Variants in UBE3D observed in about 807,000 individuals in gnomAD.
UBE3D encodes E3 ubiquitin-protein ligase E3D.
A neutral mutation model predicts 49.6 loss-of-function variants in UBE3D; 48 were observed. The observed-to-expected ratio is 0.97, with a 90% CI of 0.77 to 1.23. The LOEUF (loss-of-function observed/expected upper bound fraction) is 1.23, where lower values mean the gene tolerates loss of function less well. Among genes scored for constraint, UBE3D ranks in the 50% most tolerant of loss-of-function variants. The probability of loss-of-function intolerance (pLI) is 0.00; values close to 1 mark genes in which losing one functional copy is unlikely to be tolerated. For synonymous variants in UBE3D, 189 were observed against 174.2 expected, an observed-to-expected ratio of 1.08 and a Z score of -0.67; for missense variants, 452 against 468.4, an observed-to-expected ratio of 0.96 and a Z score of 0.32.
At chr6:83,057,436 C>T (rs1288736361) in intron 2 of UBE3D, among the ~76,000 whole-genome samples, 1 of 152,144 alleles carries the variant, frequency 6.6e-6, no homozygotes, top group Non-Finnish European at 1.5e-5. Flanking sequence ...TAGCACAAAC[C>T]AAAATATTTG....
chr6:83,019,209 C>CA (rs1474121299), intron 7 of UBE3D, 73 bp from the exon 8 acceptor site: 1 of 1,322,482 alleles, frequency 7.6e-7, no homozygotes, highest in African/African-American at 1.5e-5. Flanking sequence ...TTTTCAAAAA[C>CA]AAAAAAGAGA....
intron 8 of UBE3D, among the ~76,000 whole-genome samples, chr6:83,007,459 C>T (rs1562178161): frequency 6.6e-6 from 1 of 152,098 alleles, no homozygotes; most frequent in Non-Finnish European, 1.5e-5. Context: ...TTGTATTCTC[C>T]TAAGTCTTTT....
chr6:82,922,907 C>T (rs960744377), intron 9 of UBE3D, among the ~76,000 whole-genome samples: 3 of 152,146 alleles, frequency 2.0e-5, no homozygotes, highest in African/African-American at 7.2e-5. Context: ...AGGATATGAA[C>T]AGACACTTCT....
intron 1 of UBE3D, among the ~76,000 whole-genome samples, chr6:83,065,123 T>A (rs183223572): frequency 1.3e-5 from 2 of 152,348 alleles, no homozygotes; most frequent in African/African-American, 4.8e-5. Flanking sequence ...CCTGTCTTAG[T>A]GGTTCACTAA....
At chr6:82,933,161 C>G (rs1774300709) in intron 9 of UBE3D, among the ~76,000 whole-genome samples, 1 of 152,086 alleles carries the variant, frequency 6.6e-6, no homozygotes, top group South Asian at 2.1e-4. Context: ...TCTAGGCCTT[C>G]AACATTATGC....
At position 83,006,640 on chromosome 6, in the gene UBE3D, AT is replaced by A. The variant is rs1027980539; in HGVS notation, c.1010+12332del. On this transcript the variant is annotated intron_variant, in intron 8 of 9. Coordinates refer to ENST00000369747, the MANE Select transcript of UBE3D (RefSeq NM_198920.3). ...TTAGACTTTTAGCCTCCAGAAAAAA[AT>A]AAATGTCTGTTGTTTAAGGCATCTA... is the stretch of plus-strand genomic sequence containing the variant. Among the ~76,000 whole-genome samples the A allele has an allele frequency of 1.9e-4, 29 of 152,312 alleles. 1 individual carries two copies. Among genetic ancestry groups the A allele is most frequent in the African/African-American group, 7.0e-4 (29 of 41,578 alleles).
intron 2 of UBE3D, among the ~76,000 whole-genome samples, chr6:83,054,759 C>A (rs753436625): frequency 3.9e-5 from 6 of 152,008 alleles, no homozygotes; most frequent in Non-Finnish European, 7.4e-5. Context: ...TCAAGCAATT[C>A]TCTGCCTCAG....
intron 9 of UBE3D, among the ~76,000 whole-genome samples, chr6:82,941,723 T>C (rs1775029175): frequency 6.6e-6 from 1 of 152,180 alleles, no homozygotes. Context: ...GCTCTCGTGA[T>C]AGTGAGTGAG....
chr6:83,016,625 T>TTA (rs1194108278), intron 8 of UBE3D, among the ~76,000 whole-genome samples: 1 of 151,470 alleles, frequency 6.6e-6, no homozygotes, highest in Non-Finnish European at 1.5e-5. Context: ...ATGTAAATCT[T>TTA]TATATATATG....
Position 82,909,759 on chromosome 6 carries a change from G to A in UBE3D, c.1150-16717C>T, listed in dbSNP as rs77306760. ...CCTTCATGTTGATTCTCTGGGATTC[G>A]AGGTCTATGAGCAATGAAGCCCATT... On this transcript the variant is annotated intron_variant, in intron 9 of 9. Coordinates refer to ENST00000369747, the MANE Select transcript of UBE3D (RefSeq NM_198920.3). 2.6e-4 allele frequency among the ~76,000 whole-genome samples: 40 copies of A among 152,218 alleles called. 1 individual carries two copies. Among genetic ancestry groups the A allele is most frequent in the African/African-American group, 8.4e-4 (35 of 41,524 alleles).
intron 4 of UBE3D, among the ~76,000 whole-genome samples, chr6:83,040,248 G>A (rs913262534): frequency 5.3e-5 from 8 of 151,986 alleles, no homozygotes; most frequent in Non-Finnish European, 7.4e-5. Flanking sequence ...GCTGGGCGTC[G>A]TGGTGCGCGC....
chr6:82,890,593 C>T (rs148868654), downstream of UBE3D, among the ~76,000 whole-genome samples: 28 of 152,260 alleles, frequency 1.8e-4, no homozygotes, highest in African/African-American at 6.3e-4. Flanking sequence ...TGCATGACCT[C>T]CTCTTACATC....
chr6:83,057,837 T>A lies in UBE3D; in HGVS notation c.263A>T (p.Lys88Ile), dbSNP rs761142679. 1 of 1,614,044 alleles carries A rather than the reference T, an allele frequency of 6.2e-7. No individual in the cohort carries two copies. The highest frequency in any genetic ancestry group is 2.2e-5 in the East Asian group (1 of 44,868). Residue 88 changes from lysine (K) to isoleucine (I), a missense_variant, in exon 2 of 10, where the codon AAA becomes ATA. Lys to Ile is a moderately radical substitution (Grantham distance 102). Transcript: ENST00000369747. ...CTAATATTACTCACTTGTGCCTAAT[T>A]TTGCTTGCGTCTGCAGTCGCAGGTG... is the stretch of plus-strand genomic sequence containing the variant. ...GLHLRLQTQAKLGTKLISMFN... is the reference protein window; with the variant it reads ...GLHLRLQTQAILGTKLISMFN...
chr6:82,893,416 C>T (rs926690763), intron 9 of UBE3D, among the ~76,000 whole-genome samples: 3 of 152,070 alleles, frequency 2.0e-5, no homozygotes, highest in African/African-American at 7.2e-5. Context: ...GTCCTCATCC[C>T]TATAGGTAAT....
intron 9 of UBE3D, among the ~76,000 whole-genome samples, chr6:82,947,223 TA>T (rs1326654108): frequency 1.3e-5 from 2 of 151,948 alleles, no homozygotes; most frequent in African/African-American, 4.8e-5. Context: ...TATATAATGA[TA>T]AAAGGGTCCA....
chr6:83,016,452 T>G (rs1046716037), intron 8 of UBE3D, among the ~76,000 whole-genome samples: 2 of 152,120 alleles, frequency 1.3e-5, no homozygotes, highest in Admixed American at 1.3e-4. Flanking sequence ...TTAGCATTTT[T>G]GGATGTAATC....
At chr6:82,917,221 G>A (rs1772982852) in intron 9 of UBE3D, among the ~76,000 whole-genome samples, 2 of 152,150 alleles carry the variant, frequency 1.3e-5, no homozygotes, top group South Asian at 4.1e-4. Context: ...AAGAAAGAAG[G>A]AAGGGAAGAA....
chr6:82,971,588 T>A (rs769996447), intron 8 of UBE3D, among the ~76,000 whole-genome samples: 17 of 152,086 alleles, frequency 1.1e-4, no homozygotes, highest in Non-Finnish European at 7.4e-5. Flanking sequence ...TTAAAGATGT[T>A]TTCTTTTTTT....
chr6:83,042,663 G>C (rs150782450), intron 4 of UBE3D, among the ~76,000 whole-genome samples: 1 of 152,108 alleles, frequency 6.6e-6, no homozygotes, highest in African/African-American at 2.4e-5. Flanking sequence ...GATTAGCCTC[G>C]TGTCCTCCCT....
Sources: allele counts gnomAD v4.1 joint callset (sites outside exome capture counted in the v4.1 genomes callset), GRCh38; gene constraint gnomAD v4.1.1; transcripts MANE v1.5; gene names NCBI Gene and HGNC (gene_info 2026-07-23, HGNC 2026-07-21).